The following APBA1 variants were observed in gnomAD, a reference collection of about 807,000 sequenced individuals.
APBA1 encodes the protein amyloid-beta A4 precursor protein-binding family A member 1.
In APBA1, 55 loss-of-function variants were observed where a neutral mutation model predicts 86.6. The observed-to-expected ratio is 0.64, with a 90% confidence interval of 0.51 to 0.80. APBA1 has a LOEUF of 0.80. Ranked by LOEUF, APBA1 falls within the 30% of genes least tolerant of loss-of-function variation. The probability of loss-of-function intolerance (pLI) is 0.00; values close to 1 mark genes in which losing one functional copy is unlikely to be tolerated. For synonymous variants in APBA1, 511 were observed against 493.9 expected, an observed-to-expected ratio of 1.03 and a Z score of -0.46; for missense variants, 1,090 against 1,183.0, an observed-to-expected ratio of 0.92 and a Z score of 1.15.
At chr9:69,504,180 T>C (rs541078653) in intron 2 of APBA1, among the ~76,000 whole-genome samples, 1 of 152,240 alleles carries the variant, frequency 6.6e-6, no homozygotes, top group African/African-American at 2.4e-5. Flanking sequence ...CCTCCTGTTC[T>C]GAAACTTCTG....
At chr9:69,645,336 C>A (rs757596584) in intron 1 of APBA1, among the ~76,000 whole-genome samples, 20 of 152,178 alleles carry the variant, frequency 1.3e-4, no homozygotes, top group Non-Finnish European at 2.5e-4. Context: ...CATGATTGAA[C>A]AGGAAGCTGT....
chr9:69,636,947 G>T (rs894515304), intron 1 of APBA1, among the ~76,000 whole-genome samples: 6 of 148,738 alleles, frequency 4.0e-5, no homozygotes, highest in African/African-American at 1.5e-4. Context: ...AAGAAAGAAA[G>T]AAAGAAAGAA....
At chr9:69,535,583 T>C (rs1836495860) in intron 1 of APBA1, among the ~76,000 whole-genome samples, 1 of 152,196 alleles carries the variant, frequency 6.6e-6, no homozygotes. Flanking sequence ...TGCCTCCCTC[T>C]GCCTCCTGCC....
intron 1 of APBA1, among the ~76,000 whole-genome samples, chr9:69,551,425 C>T (rs889782737): frequency 6.6e-6 from 1 of 151,902 alleles, no homozygotes; most frequent in African/African-American, 2.4e-5. Flanking sequence ...TGGTGGCACA[C>T]GCCTGTAATC....
intron 11 of APBA1, among the ~76,000 whole-genome samples, chr9:69,435,190 A>G (rs1834684058): frequency 6.6e-6 from 1 of 151,780 alleles, no homozygotes; most frequent in Middle Eastern, 3.2e-3. Flanking sequence ...AATCTAGTCT[A>G]TCATTGTTGG....
chr9:69,647,004 G>A (rs1237032047), intron 1 of APBA1, among the ~76,000 whole-genome samples: 1 of 152,172 alleles, frequency 6.6e-6, no homozygotes, highest in Non-Finnish European at 1.5e-5. Flanking sequence ...TCAAGCCCCA[G>A]TATGCTGCCA....
At chr9:69,441,156 A>G (rs777519148) in intron 10 of APBA1, 41 bp from the exon 11 acceptor site, 1 of 1,588,096 alleles carries the variant, frequency 6.3e-7, no homozygotes, top group Admixed American at 1.8e-5. Flanking sequence ...GTGACCACTG[A>G]GGCAGACAGA....
At chr9:69,585,200 A>G (rs1256195165) in intron 1 of APBA1, among the ~76,000 whole-genome samples, 3 of 152,240 alleles carry the variant, frequency 2.0e-5, no homozygotes, top group African/African-American at 7.2e-5. Flanking sequence ...TGAGAATGCT[A>G]TATCTAATTA....
intron 1 of APBA1, among the ~76,000 whole-genome samples, chr9:69,635,238 G>C (rs1318475525): frequency 6.6e-6 from 1 of 152,100 alleles, no homozygotes; most frequent in Non-Finnish European, 1.5e-5. Context: ...AAAGCATACA[G>C]TTGTTATTAC....
At chr9:69,539,914 T>C (rs1359008019) in intron 1 of APBA1, among the ~76,000 whole-genome samples, 1 of 151,688 alleles carries the variant, frequency 6.6e-6, no homozygotes, top group Non-Finnish European at 1.5e-5. Flanking sequence ...AGGTCAGGAG[T>C]TCAAGACCAG....
chr9:69,628,950 A>G (rs1466360975), intron 1 of APBA1, among the ~76,000 whole-genome samples: 2 of 152,208 alleles, frequency 1.3e-5, no homozygotes, highest in African/African-American at 2.4e-5. Flanking sequence ...GTGATATTTC[A>G]TGTGTTAATC....
chr9:69,513,483 T>G (rs1232922315), intron 2 of APBA1, among the ~76,000 whole-genome samples: 1 of 152,256 alleles, frequency 6.6e-6, no homozygotes, highest in African/African-American at 2.4e-5. Context: ...GCCAGCCTTT[T>G]GTCAACTCCC....
chr9:69,432,735 C>A (rs1270334337), intron 11 of APBA1, 59 bp from the exon 12 acceptor site: 3 of 1,398,254 alleles, frequency 2.1e-6, no homozygotes, highest in East Asian at 5.4e-5. Flanking sequence ...GGCTGGAAGG[C>A]CGTCTTTCCT....
intron 11 of APBA1, 70 bp from the exon 12 acceptor site, chr9:69,432,746 G>A (rs1834627101): frequency 1.5e-6 from 2 of 1,376,390 alleles, no homozygotes; most frequent in Admixed American, 5.4e-5. Context: ...CGTCTTTCCT[G>A]AAAGCCCCCT....
At chr9:69,601,762 G>C (rs1055746124) in intron 1 of APBA1, among the ~76,000 whole-genome samples, 1 of 152,144 alleles carries the variant, frequency 6.6e-6, no homozygotes, top group Non-Finnish European at 1.5e-5. Context: ...GTCTCCTTTG[G>C]CAGTGCTTGA....
chr9:69,641,044 G>A (rs1823277894), intron 1 of APBA1, among the ~76,000 whole-genome samples: 1 of 150,790 alleles, frequency 6.6e-6, no homozygotes, highest in South Asian at 2.1e-4. Context: ...ATCTGCAGAT[G>A]ACATAATCTA....
At chr9:69,444,907 A>G (rs1445239184) in intron 10 of APBA1, among the ~76,000 whole-genome samples, 1 of 152,224 alleles carries the variant, frequency 6.6e-6, no homozygotes, top group Non-Finnish European at 1.5e-5. Flanking sequence ...CTGAGCCCAG[A>G]GGGGGCTGGA....
chr9:69,467,688 G>T, intron 5 of APBA1, 135 bp downstream of exon 5: 1 of 1,221,476 alleles, frequency 8.2e-7, no homozygotes, highest in Non-Finnish European at 1.1e-6. Context: ...CAGGCACATG[G>T]ATAAGCACTG....
intron 1 of APBA1, among the ~76,000 whole-genome samples, chr9:69,601,675 A>G (rs1690650199): frequency 6.6e-6 from 1 of 152,364 alleles, no homozygotes; most frequent in African/African-American, 2.4e-5. Context: ...AGAGTTGGAA[A>G]GATTGGAACC....
Sources: allele counts gnomAD v4.1 joint callset (sites outside exome capture counted in the v4.1 genomes callset), GRCh38; gene constraint gnomAD v4.1.1; transcripts MANE v1.5; gene names NCBI Gene and HGNC (gene_info 2026-07-23, HGNC 2026-07-21).